The following TNRC6C variants were observed in gnomAD, a reference collection of about 807,000 sequenced individuals.
TNRC6C encodes trinucleotide repeat containing adaptor 6C, also known as trinucleotide repeat-containing gene 6C protein.
In TNRC6C, 20 loss-of-function variants were observed where a neutral mutation model predicts 153.7. The ratio of observed to expected loss-of-function variants is 0.13; its 90% CI spans 0.09 to 0.19. The LOEUF (loss-of-function observed/expected upper bound fraction) is 0.19. Ranked by LOEUF, TNRC6C falls within the 10% of genes least tolerant of loss-of-function variation. The pLI is 1.00. For missense variants in TNRC6C, 1,987 were observed against 2,172.0 expected, an observed-to-expected ratio of 0.91 and a Z score of 1.69; for synonymous variants, 811 against 841.4, an observed-to-expected ratio of 0.96 and a Z score of 0.63.
At chr17:78,107,147 T>C (rs2073713013) in exon 20 of TNRC6C, 1 of 152,342 alleles carries the variant, frequency 6.6e-6, no homozygotes, top group South Asian at 2.1e-4. Context: ...GACATACCAC[T>C]TCCCGTGCTG....
chr17:78,104,244 G>T lies in TNRC6C; in HGVS notation c.4713-241G>T, dbSNP rs899975644. On this transcript the variant is annotated intron_variant, in intron 19 of 19. Coordinates refer to ENST00000301624, the Ensembl canonical transcript of TNRC6C. This position sits in a 1 kb window ranked among gnomAD's most constrained non-coding sequence, Gnocchi z 6.2. ...TGCAAATGACACTGACCCTAAACGA[G>T]CCCACATTTAATGATCTGTTCACGC... is the stretch of plus-strand genomic sequence containing the variant. Among the ~76,000 whole-genome samples the T allele has an allele frequency of 9.2e-5, 14 of 152,302 alleles. No homozygotes were observed. The highest frequency in any genetic ancestry group is 1.3e-4 in the Non-Finnish European group (9 of 68,024).
intron 5 of TNRC6C, 124 bp from the exon 8 acceptor site, chr17:78,070,961 A>G (rs2072982920): frequency 1.1e-6 from 1 of 911,560 alleles, no homozygotes; most frequent in Non-Finnish European, 1.7e-6. Flanking sequence ...AGCATTATTC[A>G]ATGTTAATAC....
chr17:78,036,687 G>T (rs2072185905), intron 2 of TNRC6C, among the ~76,000 whole-genome samples: 1 of 152,112 alleles, frequency 6.6e-6, no homozygotes, highest in African/African-American at 2.4e-5. Flanking sequence ...AGTTTGAGAG[G>T]CCGAGGCAGG....
At chr17:78,106,319 G>A (rs2073693574) in exon 20 of TNRC6C, 1 of 151,574 alleles carries the variant, frequency 6.6e-6, no homozygotes, top group Admixed American at 6.6e-5. Context: ...TTCCTTCAGA[G>A]CTCTGGGACG....
intron 9 of TNRC6C, among the ~76,000 whole-genome samples, chr17:78,078,703 G>A (rs1291506942): frequency 6.6e-6 from 1 of 152,056 alleles, no homozygotes; most frequent in Non-Finnish European, 1.5e-5. Flanking sequence ...GGTGGCTCAC[G>A]CCTGTAATCC....
rs753070185 is a variant in TNRC6C at position 78,050,480 on chromosome 17, A to C, written c.1418A>C (p.Asp473Ala). The C allele has an allele frequency of 9.9e-6, 16 of 1,613,932 alleles. No homozygotes were observed. The African/African-American group carries it at 1.9e-4, about 19-fold the overall frequency. ...TCCCCTAGGTCTGAAAGGAAAAATG[A>C]CAATGGGACAGAGGCCTGGGGTTGT... Residue 473 changes from aspartate to alanine, a missense_variant, in exon 3 of 20, where the codon GAC (aspartate) becomes GCC (alanine). By Grantham distance (126) the Asp-to-Ala change is moderately radical (BLOSUM62 -2). Around this residue, in one of 4 missense-constraint regions of TNRC6C, gnomAD observed 1,052 missense variants for 1,017.0 expected, o/e 1.03. Transcript: ENST00000301624.
At chr17:78,088,402 T>A (rs893011452) in intron 13 of TNRC6C, among the ~76,000 whole-genome samples, 23 of 151,932 alleles carry the variant, frequency 1.5e-4, no homozygotes, top group African/African-American at 5.6e-4. Flanking sequence ...TATTTTTCTT[T>A]CTTTTTTTTT....
At chr17:77,986,756 C>G (rs1351208915) in intron 1 of TNRC6C, among the ~76,000 whole-genome samples, 1 of 152,110 alleles carries the variant, frequency 6.6e-6, no homozygotes, top group East Asian at 1.9e-4. Flanking sequence ...TCAGGCCCAT[C>G]TGTTATACAT....
chr17:78,045,246 A>G (rs1377571043), intron 2 of TNRC6C, among the ~76,000 whole-genome samples: 1 of 152,138 alleles, frequency 6.6e-6, no homozygotes, highest in Non-Finnish European at 1.5e-5. Context: ...AGTCAGAGGG[A>G]AGTTTTATTT....
rs2073073740 is a variant in TNRC6C at position 78,075,807 on chromosome 17, A to G, written c.3060+529A>G. 6.6e-6 allele frequency among the ~76,000 whole-genome samples: 1 copy of G among 152,288 alleles called. No individual in the cohort carries two copies. The highest frequency in any genetic ancestry group is 2.4e-5 in the African/African-American group (1 of 41,560). On this transcript the variant is annotated intron_variant, in intron 8 of 19. Transcript: ENST00000301624. This position sits in a 1 kb window ranked among gnomAD's most constrained non-coding sequence, Gnocchi z 4.2. ...AGTGTTGTCATGTAATGATGTCCCC[A>G]TGCCAGACTGGTGTGACTGCAAAGC...
chr17:78,050,297 G>T (rs2072497988), exon 3 of TNRC6C: 1 of 1,559,926 alleles, frequency 6.4e-7, no homozygotes, highest in Non-Finnish European at 8.7e-7. Context: ...GGAAGCACTG[G>T]GAGGGAAGGA....
intron 15 of TNRC6C, 124 bp downstream of exon 17, chr17:78,093,248 G>T (rs2073424889): frequency 9.0e-7 from 1 of 1,105,894 alleles, no homozygotes; most frequent in Non-Finnish European, 1.3e-6. Flanking sequence ...TAAGCCCAGA[G>T]CTTTGGCATT....
Position 78,104,569 on chromosome 17 carries a change from G to A in TNRC6C, c.4797G>A (p.Leu1599=). 1 of 1,553,638 alleles carries A rather than the reference G, an allele frequency of 6.4e-7. No individual in the cohort carries two copies. Among genetic ancestry groups the A allele is most frequent in the Non-Finnish European group, 8.7e-7 (1 of 1,148,410 alleles). ...GCTTCTTAGCCCAAGGCCAGGCGCTGCCACCCACTTCCAGCTGGCAGTCCA... is the reference window on the plus strand; with the variant it reads ...GCTTCTTAGCCCAAGGCCAGGCGCTACCACCCACTTCCAGCTGGCAGTCCA... The change falls in exon 20 of 20, where the codon CTG becomes CTA. Residue 1599 remains leucine (L), a synonymous_variant. Coordinates refer to ENST00000301624, the Ensembl canonical transcript of TNRC6C. This position sits in a 1 kb window ranked among gnomAD's most constrained non-coding sequence, Gnocchi z 6.2.
intron 13 of TNRC6C, 98 bp from the exon 16 acceptor site, chr17:78,091,341 AT>A: frequency 8.5e-6 from 11 of 1,289,894 alleles, no homozygotes; most frequent in South Asian, 4.4e-5. Flanking sequence ...AAAAAAAAAA[AT>A]TTGCTGTAAG....
At chr17:78,063,186 A>G (rs1170932444) in intron 3 of TNRC6C, among the ~76,000 whole-genome samples, 2 of 151,424 alleles carry the variant, frequency 1.3e-5, no homozygotes, top group Non-Finnish European at 1.5e-5. Flanking sequence ...CGGTGGTTGC[A>G]GTGAGCCAAG....
At chr17:77,984,791 T>TTCA (rs2071136578) in intron 1 of TNRC6C, among the ~76,000 whole-genome samples, 1 of 152,148 alleles carries the variant, frequency 6.6e-6, no homozygotes, top group African/African-American at 2.4e-5. Context: ...CAGTCCTGCG[T>TTCA]GGAGGGATCT....
At chr17:78,065,957 A>T (rs879908861) in intron 4 of TNRC6C, among the ~76,000 whole-genome samples, 11 of 152,200 alleles carry the variant, frequency 7.2e-5, no homozygotes, top group Non-Finnish European at 1.3e-4. Context: ...GTGGCTGGGC[A>T]TGGTAGCTCA....
At chr17:78,100,771 T>A (rs927397047) in intron 17 of TNRC6C, among the ~76,000 whole-genome samples, 2 of 33,086 alleles carry the variant, frequency 6.0e-5, no homozygotes, top group East Asian at 1.0e-3. Flanking sequence ...TGGGATTTCC[T>A]TTTTTTTTTT....
rs756137670 is a variant in TNRC6C at position 78,064,870 on chromosome 17, T to C, written c.2544T>C (p.Pro848=). The C allele has an allele frequency of 1.9e-6, 3 of 1,612,450 alleles. No individual in the cohort carries two copies. The East Asian group carries it at 6.7e-5, about 36-fold the overall frequency. ...GTGGCAGCGGGTGGGGAGATCACCC[T>C]GCAGAGCCGCCGGTGGCATTTGGAA... Residue 848 remains proline (P), a synonymous_variant, in exon 4 of 20, where the codon CCT becomes CCC. Transcript: ENST00000301624.
Sources: allele counts gnomAD v4.1 joint callset (sites outside exome capture counted in the v4.1 genomes callset), GRCh38; gene constraint gnomAD v4.1.1; regional missense constraint gnomAD v4.1.1; non-coding constraint Gnocchi (gnomAD v3.1); transcripts MANE v1.5; gene names NCBI Gene and HGNC (gene_info 2026-07-23, HGNC 2026-07-21).